The following MTOR variants were observed in gnomAD, a reference collection of about 807,000 sequenced individuals.
MTOR encodes serine/threonine-protein kinase mTOR.
A neutral mutation model predicts 319.8 loss-of-function variants in MTOR; 70 were observed. That is an observed-to-expected ratio of 0.22 (90% CI 0.18 to 0.27). The LOEUF (loss-of-function observed/expected upper bound fraction) is 0.27. Among genes scored for constraint, MTOR ranks in the 10% least tolerant of loss-of-function variants. The pLI is 1.00. For missense variants in MTOR, 1,890 were observed against 3,274.4 expected, an observed-to-expected ratio of 0.58 and a Z score of 10.32; for synonymous variants, 1,183 against 1,211.4, an observed-to-expected ratio of 0.98 and a Z score of 0.49.
At position 11,224,083 on chromosome 1, in the gene MTOR, T is replaced by TAAAATA. The variant is rs539349195; in HGVS notation, c.3030+4584_3030+4585insTATTTT. Among the ~76,000 whole-genome samples the TAAAATA allele has an allele frequency of 6.0e-5, 9 of 150,120 alleles. No homozygotes were observed. The South Asian group carries it at 1.9e-3, about 32-fold the overall frequency. On this transcript the variant is annotated intron_variant, in intron 19 of 57. Coordinates refer to ENST00000361445, the MANE Select transcript of MTOR (RefSeq NM_004958.4). Reference sequence around the variant, plus strand: ...TAAAATAAAATAAAATAAAATAAAATAAATAGGCCAAATATAACAGCAATC... The same window carrying TAAAATA: ...TAAAATAAAATAAAATAAAATAAAATAAAATAAAATAGGCCAAATATAACAGCAATC...
At chr1:11,183,779 G>A (rs897844267) in intron 28 of MTOR, among the ~76,000 whole-genome samples, 6 of 151,718 alleles carry the variant, frequency 4.0e-5, no homozygotes, top group African/African-American at 1.2e-4. Flanking sequence ...GTGAGGTAAC[G>A]ATCAACAGTC....
At chr1:11,230,439 C>G (rs556422789) in intron 18 of MTOR, among the ~76,000 whole-genome samples, 16 of 152,266 alleles carry the variant, frequency 1.1e-4, no homozygotes, top group African/African-American at 3.8e-4. Flanking sequence ...CAGTGCAGCT[C>G]TTGGGCCAGA....
At chr1:11,193,698 G>A (rs746303926) in intron 28 of MTOR, 41 of 1,614,044 alleles carry the variant, frequency 2.5e-5, no homozygotes, top group African/African-American at 8.0e-5. Flanking sequence ...GGCAGCATCC[G>A]TGGGGACTTC....
chr1:11,256,322 A>G, intron 4 of MTOR, 130 bp from the exon 5 acceptor site: 1 of 1,451,672 alleles, frequency 6.9e-7, no homozygotes, highest in Non-Finnish European at 9.1e-7. Context: ...TCTAGCTAGG[A>G]AATTCTGAGG....
intron 29 of MTOR, among the ~76,000 whole-genome samples, chr1:11,159,569 A>C (rs935500244): frequency 6.6e-6 from 1 of 151,974 alleles, no homozygotes; most frequent in African/African-American, 2.4e-5. Context: ...TGAACCCAGG[A>C]GACAGAGGTT....
chr1:11,249,919 C>T (rs2100948562), intron 6 of MTOR, among the ~76,000 whole-genome samples: 1 of 151,248 alleles, frequency 6.6e-6, no homozygotes, highest in East Asian at 2.0e-4. Context: ...GGCCCGTTCT[C>T]AATGAGCCAC....
chr1:11,236,577 G>A (rs987465034), intron 13 of MTOR, among the ~76,000 whole-genome samples: 5 of 149,592 alleles, frequency 3.3e-5, no homozygotes, highest in African/African-American at 7.4e-5. Flanking sequence ...GCGCGCTCTC[G>A]GCTCACTGCA....
intron 34 of MTOR, among the ~76,000 whole-genome samples, chr1:11,142,924 G>A (rs1030210636): frequency 8.5e-5 from 13 of 152,102 alleles, no homozygotes; most frequent in Non-Finnish European, 8.8e-5. Context: ...TATAATACTG[G>A]TTGGGGATTT....
intron 30 of MTOR, among the ~76,000 whole-genome samples, chr1:11,156,848 A>C (rs1391765657): frequency 6.6e-6 from 1 of 152,204 alleles, no homozygotes; most frequent in Non-Finnish European, 1.5e-5. Flanking sequence ...TAAGAATATG[A>C]GCTCTTCACT....
intron 19 of MTOR, among the ~76,000 whole-genome samples, chr1:11,228,350 G>A (rs1422630052): frequency 6.6e-6 from 1 of 152,002 alleles, no homozygotes; most frequent in Non-Finnish European, 1.5e-5. Flanking sequence ...CATCACGCAT[G>A]GCTAATTTTT....
chr1:11,137,779 T>C (rs1036620299), intron 36 of MTOR, among the ~76,000 whole-genome samples: 1 of 152,192 alleles, frequency 6.6e-6, no homozygotes, highest in Non-Finnish European at 1.5e-5. Context: ...ACATGATACA[T>C]ATACCCATAG....
chr1:11,118,602 T>C (rs1206155767), intron 49 of MTOR, among the ~76,000 whole-genome samples: 1 of 149,914 alleles, frequency 6.7e-6, no homozygotes, highest in Non-Finnish European at 1.5e-5. Context: ...TTCATAGGTG[T>C]GGTCTTTTTC....
At chr1:11,217,176 G>C (rs1219715696) in intron 19 of MTOR, among the ~76,000 whole-genome samples, 1 of 152,142 alleles carries the variant, frequency 6.6e-6, no homozygotes, top group Non-Finnish European at 1.5e-5. Context: ...GTAGGGATAG[G>C]ATGAGGAGAT....
intron 47 of MTOR, among the ~76,000 whole-genome samples, chr1:11,123,556 C>A (rs1314542066): frequency 6.6e-6 from 1 of 152,080 alleles, no homozygotes; most frequent in African/African-American, 2.4e-5. Flanking sequence ...GCAGCCTCAA[C>A]CAACTGGGCT....
At chr1:11,200,875 C>G (rs368406024) in intron 26 of MTOR, among the ~76,000 whole-genome samples, 2 of 151,750 alleles carry the variant, frequency 1.3e-5, no homozygotes, top group African/African-American at 4.8e-5. Flanking sequence ...ATTAGCCGGG[C>G]GCGGTGGTGG....
rs1322726271 is a variant in MTOR, at chr1:11,144,689, G to T, written c.4831C>A (p.Arg1611=). ...CAGATCTGGCGGATGATCTCTCGTC[G>T]CTCGGGGACAAGTTTGTACTGGATA... ...EVIQYKLVPE[R]REIIRQIWWE... is the part of the protein sequence containing the mutation. The change falls in exon 34 of 58, where the codon CGA becomes AGA. Residue 1611 remains arginine, a synonymous_variant. Coordinates refer to ENST00000361445, the MANE Select transcript of MTOR (RefSeq NM_004958.4). 7 of 1,613,936 alleles carry T rather than the reference G, an allele frequency of 4.3e-6. No individual in the cohort carries two copies. The highest frequency in any genetic ancestry group is 5.9e-6 in the Non-Finnish European group (7 of 1,180,008).
chr1:11,210,730 CACAAACTCCCATAGCCAAGAT>C, intron 24 of MTOR, 63 bp downstream of exon 24: 1 of 1,114,830 alleles, frequency 9.0e-7, no homozygotes, highest in Non-Finnish European at 1.3e-6. Context: ...CAAAAAGCTA[CACAAACTCCCATAGCCAAGAT>C]TACAAGAATA....
At chr1:11,159,694 C>T (rs1020316147) in intron 29 of MTOR, among the ~76,000 whole-genome samples, 6 of 151,262 alleles carry the variant, frequency 4.0e-5, no homozygotes, top group Non-Finnish European at 7.4e-5. Context: ...TTCCCTTAAA[C>T]GTTTCATTCT....
chr1:11,216,106 G>A, intron 20 of MTOR, 42 bp downstream of exon 20: 1 of 1,479,040 alleles, frequency 6.8e-7, no homozygotes, highest in Non-Finnish European at 9.4e-7. Flanking sequence ...AGCCTTCCTT[G>A]ACCCAAACAT....
Sources: gnomAD v4.1 joint callset for allele counts (sites outside exome capture counted in the v4.1 genomes callset) on GRCh38, gnomAD v4.1.1 for gene constraint, MANE v1.5 for transcripts, NCBI Gene and HGNC (gene_info 2026-07-23, HGNC 2026-07-21) for gene names.